The following TAF4 variants were observed in gnomAD, a reference collection of about 807,000 sequenced individuals.
The protein encoded by TAF4 is transcription initiation factor TFIID subunit 4.
TAF4 carries 9 observed loss-of-function variants against 90.3 expected under a neutral mutation model. The ratio of observed to expected loss-of-function variants is 0.10; its 90% confidence interval spans 0.06 to 0.17. The LOEUF is 0.17. Among genes scored for constraint, TAF4 ranks in the 10% least tolerant of loss-of-function variants. The pLI is 1.00. For missense variants in TAF4, 1,351 were observed against 1,370.7 expected (o/e 0.99, Z 0.23); for synonymous variants, 818 against 638.9 (o/e 1.28, Z -4.23).
chr20:62,014,015 TGTGG>T (rs1163616986), intron 2 of TAF4, among the ~76,000 whole-genome samples: 30 of 110,956 alleles, frequency 2.7e-4, no homozygotes, highest in African/African-American at 9.6e-4. Context: ...GACGCGGGGG[TGTGG>T]GTGTGTGTGT....
In TAF4 at chr20:62,065,514, G is replaced by GC. The variant is rs1180230428; in HGVS notation, c.296dup (p.Gly100ArgfsTer362). On this transcript the variant is annotated frameshift_variant, in exon 1 of 15. Transcript: ENST00000252996. LOFTEE classifies it high-confidence loss of function. ...GGGGGCCCGGGCGCTGCGGCCCCCC[G>GC]CCCCCCGGCCGCGCTCTACCTGCGG... 2 of 973,978 alleles carry GC rather than the reference G, an allele frequency of 2.1e-6. No homozygotes were observed. Among genetic ancestry groups the GC allele is most frequent in the Non-Finnish European group, 2.4e-6 (2 of 823,510 alleles). 60.3% of individuals were successfully genotyped at this position (973,978 alleles called of 1,614,324 possible).
Position 62,064,855 on chromosome 20 carries a change from G to A in TAF4, c.956C>T (p.Ala319Val). 1 of 960,244 alleles carries A rather than the reference G, an allele frequency of 1.0e-6. No individual in the cohort carries two copies. Among genetic ancestry groups the A allele is most frequent in the Non-Finnish European group, 1.2e-6 (1 of 812,398 alleles). The allele number at this position is 960,244 out of a possible 1,614,324, so 59.5% of individuals were successfully genotyped here. A position where few individuals can be genotyped will look rare whatever the true frequency, so the allele number is the denominator to read the frequency against. ...GCCGCTGACCCCCGCGGGGCCCCCGGCGGCCGGGGCGGGGGCGGGGGCTGC... is the reference window on the plus strand; with the variant it reads ...GCCGCTGACCCCCGCGGGGCCCCCGACGGCCGGGGCGGGGGCGGGGGCTGC... ...AGAAPAPAPA[A>V]GGPAGVSGQP... Residue 319 changes from alanine to valine, a missense_variant, in exon 1 of 15, where the codon GCC becomes GTC. Around this residue, in one of 9 missense-constraint regions of TAF4, gnomAD observed 782 missense variants for 536.6 expected, o/e 1.46. Coordinates refer to ENST00000252996, the MANE Select transcript of TAF4 (RefSeq NM_003185.4).
At chr20:61,983,899 C>G (rs1427271130) in intron 14 of TAF4, among the ~76,000 whole-genome samples, 2 of 152,158 alleles carry the variant, frequency 1.3e-5, no homozygotes. Flanking sequence ...ACAAGAAAGA[C>G]ACCCAGGGTG....
At chr20:62,047,650 G>T (rs976824450) in intron 1 of TAF4, among the ~76,000 whole-genome samples, 8 of 152,234 alleles carry the variant, frequency 5.3e-5, no homozygotes, top group Non-Finnish European at 1.2e-4. Flanking sequence ...AGCATAAAAA[G>T]AGATGGAAAC....
intron 14 of TAF4, among the ~76,000 whole-genome samples, chr20:61,996,209 A>C (rs1684815719): frequency 6.6e-6 from 1 of 152,088 alleles, no homozygotes; most frequent in South Asian, 2.1e-4. Flanking sequence ...CCCTGTCTCT[A>C]CGAAAAAAAA....
intron 14 of TAF4, among the ~76,000 whole-genome samples, chr20:61,985,986 GGAAATACCATCCCCA>G: frequency 4.8e-5 from 7 of 146,296 alleles, no homozygotes; most frequent in South Asian, 2.2e-4. Flanking sequence ...CCCAATCAAA[GGAAATACCATCCCCA>G]ACCAAAGGAA....
chr20:62,050,056 T>C (rs554543192), intron 1 of TAF4, among the ~76,000 whole-genome samples: 1 of 152,156 alleles, frequency 6.6e-6, no homozygotes, highest in Admixed American at 6.5e-5. Context: ...TGTCACACGC[T>C]GGAGTTGTAA....
intron 1 of TAF4, among the ~76,000 whole-genome samples, chr20:62,045,607 T>G (rs998590273): frequency 6.6e-6 from 1 of 152,240 alleles, no homozygotes; most frequent in Non-Finnish European, 1.5e-5. Context: ...TTTTCTAGGA[T>G]GAGTACGTAC....
intron 1 of TAF4, among the ~76,000 whole-genome samples, chr20:62,042,729 T>G (rs2055971034): frequency 1.3e-5 from 2 of 152,288 alleles, no homozygotes; most frequent in African/African-American, 4.8e-5. Flanking sequence ...GGTTTACATA[T>G]TCACTACATT....
intron 1 of TAF4, among the ~76,000 whole-genome samples, chr20:62,029,313 G>A (rs761681180): frequency 1.3e-5 from 2 of 152,126 alleles, no homozygotes; most frequent in African/African-American, 4.8e-5. Context: ...GGCAAGGACT[G>A]TTTTGCTATC....
At chr20:62,027,549 G>T (rs2055881764) in intron 1 of TAF4, among the ~76,000 whole-genome samples, 1 of 151,998 alleles carries the variant, frequency 6.6e-6, no homozygotes, top group Non-Finnish European at 1.5e-5. Context: ...CCTACCCCAG[G>T]CCCATCCTCT....
intron 14 of TAF4, among the ~76,000 whole-genome samples, chr20:61,981,761 C>T (rs936705904): frequency 6.6e-6 from 1 of 151,356 alleles, no homozygotes; most frequent in Non-Finnish European, 1.5e-5. Flanking sequence ...CACACCCCAC[C>T]CGAGAGGAGA....
At chr20:62,062,886 G>T (rs1337500585) in intron 1 of TAF4, among the ~76,000 whole-genome samples, 1 of 152,180 alleles carries the variant, frequency 6.6e-6, no homozygotes, top group Non-Finnish European at 1.5e-5. Flanking sequence ...ACAGGCACCT[G>T]GCCTGCGCTG....
chr20:61,994,495 C>T (rs944710937), intron 14 of TAF4, among the ~76,000 whole-genome samples: 1 of 152,244 alleles, frequency 6.6e-6, no homozygotes, highest in Non-Finnish European at 1.5e-5. Flanking sequence ...GACATTTTAA[C>T]CTGTACTGTC....
intron 1 of TAF4, among the ~76,000 whole-genome samples, chr20:62,045,177 G>A (rs974014968): frequency 6.6e-6 from 1 of 152,200 alleles, no homozygotes; most frequent in South Asian, 2.1e-4. Flanking sequence ...AAGCCATGCC[G>A]CTCAAACGGA....
At chr20:62,000,281 T>C (rs1216813612) in intron 10 of TAF4, 27 bp from the exon 11 acceptor site, 5 of 1,609,358 alleles carry the variant, frequency 3.1e-6, no homozygotes, top group South Asian at 1.1e-5. Flanking sequence ...AAAAACAGTA[T>C]TTTAAAATCA....
rs28382043 is a variant in TAF4, at chr20:62,015,000, C to T, written c.1361-293G>A. Among the ~76,000 whole-genome samples, 638 of 152,306 alleles carry T rather than the reference C, an allele frequency of 4.2e-3. 2 individuals carry two copies. Among genetic ancestry groups the T allele is most frequent in the Middle Eastern group, 0.02 (6 of 294 alleles). On this transcript the variant is annotated intron_variant, in intron 1 of 14. Coordinates refer to ENST00000252996, the MANE Select transcript of TAF4 (RefSeq NM_003185.4). ...GCAATGGCTTCCACCGGCCACACCACGTGCCCCCATGCCCCCAACCAGCCC... is the reference window on the plus strand; with the variant it reads ...GCAATGGCTTCCACCGGCCACACCATGTGCCCCCATGCCCCCAACCAGCCC...
At chr20:62,059,356 G>A (rs903938953) in intron 1 of TAF4, among the ~76,000 whole-genome samples, 2 of 152,230 alleles carry the variant, frequency 1.3e-5, no homozygotes, top group East Asian at 1.9e-4. Context: ...TTTGAGATAT[G>A]TAAAAATCAA....
chr20:62,015,728 G>T (rs1363981719), intron 1 of TAF4, among the ~76,000 whole-genome samples: 2 of 152,182 alleles, frequency 1.3e-5, no homozygotes, highest in Non-Finnish European at 2.9e-5. Flanking sequence ...ATGAAGTAAG[G>T]CCTGAAAACC....
Sources: allele counts gnomAD v4.1 joint callset (sites outside exome capture counted in the v4.1 genomes callset), GRCh38; gene constraint gnomAD v4.1.1; regional missense constraint gnomAD v4.1.1; transcripts MANE v1.5; gene names NCBI Gene and HGNC (gene_info 2026-07-23, HGNC 2026-07-21).